The following PRX variants were observed in gnomAD, a reference collection of about 807,000 sequenced individuals.
PRX encodes the protein periaxin.
Under a neutral mutation model 29.6 loss-of-function variants are expected in PRX, and 24 were observed. The observed-to-expected ratio is 0.81, with a 90% confidence interval of 0.59 to 1.14. The LOEUF (loss-of-function observed/expected upper bound fraction) is 1.14, where lower values mean the gene tolerates loss of function less well. Ranked by LOEUF, PRX falls within the 50% of genes most tolerant of loss-of-function variation. The pLI is 0.00. For missense variants in PRX, 1,838 were observed against 1,926.4 expected (o/e 0.95, Z 0.86); for synonymous variants, 772 against 831.7 (o/e 0.93, Z 1.24).
At chr19:40,413,684 G>C (rs772326404), upstream of PRX, among the ~76,000 whole-genome samples, 2 of 152,182 alleles carry the variant, frequency 1.3e-5, no homozygotes, top group African/African-American at 4.8e-5. Flanking sequence ...TCCAGGACCC[G>C]GGCCTGGCCA....
intron 4 of PRX, among the ~76,000 whole-genome samples, chr19:40,406,540 G>A (rs1599665141): frequency 6.6e-6 from 1 of 152,052 alleles, no homozygotes; most frequent in Non-Finnish European, 1.5e-5. Flanking sequence ...CCATCCTGTG[G>A]GCAGAGAACT....
At chr19:40,412,593 AG>A in intron 1 of PRX, among the ~76,000 whole-genome samples, 1 of 152,156 alleles carries the variant, frequency 6.6e-6, no homozygotes, top group East Asian at 1.9e-4. Flanking sequence ...CTGCTACCAA[AG>A]GGGAGCTTTG....
chr19:40,398,033 G>A lies in PRX; in HGVS notation c.382-63C>T. Reference sequence around the variant, plus strand: ...GTGGGAGGCTGGGAGTGGACAGGAAGAGCCCCACCTGGTATTGGACCAGGC... The same window carrying A: ...GTGGGAGGCTGGGAGTGGACAGGAAAAGCCCCACCTGGTATTGGACCAGGC... On this transcript the variant is annotated intron_variant, in intron 6 of 6. Transcript: ENST00000324001. This position sits in a 1 kb window ranked among gnomAD's most constrained non-coding sequence, Gnocchi z 6.3. 6.4e-7 allele frequency: 1 copy of A among 1,550,406 alleles called. No individual in the cohort carries two copies. The highest frequency in any genetic ancestry group is 1.2e-5 in the South Asian group (1 of 83,228).
At position 40,394,596 on chromosome 19, in the gene PRX, G is replaced by A. The variant is rs567256423; in HGVS notation, c.3756C>T (p.Ala1252=). The A allele has an allele frequency of 5.0e-6, 8 of 1,608,412 alleles. No homozygotes were observed. The African/African-American group carries it at 8.0e-5, about 16-fold the overall frequency. The part of the protein sequence containing the change: ...GLRLKLPTLG[A]RARVGGEGAE... Reference sequence around the variant, plus strand: ...CACCCTCGCCCCCCACCCTAGCTCTGGCCCCCAGTGTGGGCAACTTCAGCC... The same window carrying A: ...CACCCTCGCCCCCCACCCTAGCTCTAGCCCCCAGTGTGGGCAACTTCAGCC... The change falls in exon 7 of 7, where the codon GCC becomes GCT. Residue 1252 remains alanine, a synonymous_variant. Coordinates refer to ENST00000324001, the MANE Select transcript of PRX (RefSeq NM_181882.3). The surrounding 1 kb of genome is among the most constrained non-coding windows in gnomAD (Gnocchi z 5.8).
rs897539531 is a variant in PRX at position 40,395,924 on chromosome 19, C to T, written c.2428G>A (p.Gly810Arg). The change falls in exon 7 of 7, where the codon GGG becomes AGG. Residue 810 changes from glycine to arginine, a missense_variant. This residue lies in a region of PRX where 1,143 missense variants were observed against 1,193.0 expected (regional missense o/e 0.96). Coordinates refer to ENST00000324001, the MANE Select transcript of PRX (RefSeq NM_181882.3). Reference protein sequence around the residue: ...KMPKMTMPKLGRAESPSRGKP... With the variant: ...KMPKMTMPKLRRAESPSRGKP... Reference sequence around the variant, plus strand: ...CCACGTGATGGGGACTCTGCCCTCCCTAGCTTGGGCATGGTCATCTTGGGC... The same window carrying T: ...CCACGTGATGGGGACTCTGCCCTCCTTAGCTTGGGCATGGTCATCTTGGGC... 6.2e-7 allele frequency: 1 copy of T among 1,614,208 alleles called. No homozygotes were observed. Among genetic ancestry groups the T allele is most frequent in the African/African-American group, 1.3e-5 (1 of 75,068 alleles).
chr19:40,397,175 T>A lies in PRX; in HGVS notation c.1177A>T (p.Met393Leu). 5 of 1,613,682 alleles carry A rather than the reference T, an allele frequency of 3.1e-6. No individual in the cohort carries two copies. The highest frequency in any genetic ancestry group is 4.2e-6 in the Non-Finnish European group (5 of 1,179,918). The change falls in exon 7 of 7, where the codon ATG (methionine) becomes TTG (leucine). Residue 393 changes from methionine to leucine, a missense_variant. Physicochemically the swap from Met to Leu is conservative, Grantham distance 15. Coordinates refer to ENST00000324001, the MANE Select transcript of PRX (RefSeq NM_181882.3). ...AAGAGGGAAAGCCCAAAGGTGGGCATTCGAAGTCTGGGACCTTTCACCCTG... is the reference window on the plus strand; with the variant it reads ...AAGAGGGAAAGCCCAAAGGTGGGCAATCGAAGTCTGGGACCTTTCACCCTG... ...EARVKGPRLR[M>L]PTFGLSLLEP...
In PRX at chr19:40,395,546, A is replaced by C. The variant is rs1476134386; in HGVS notation, c.2806T>G (p.Phe936Val). The C allele has an allele frequency of 1.9e-5, 30 of 1,613,952 alleles. No individual in the cohort carries two copies. The highest frequency in any genetic ancestry group is 2.5e-5 in the Non-Finnish European group (30 of 1,180,022). ...KPSSKFSLPKFGLSGPKVAKA... is the reference protein window; with the variant it reads ...KPSSKFSLPKVGLSGPKVAKA... The stretch of plus-strand genomic sequence containing the variant: ...GCCACCTTTGGCCCCGAGAGTCCAA[A>C]CTTAGGTAAGGAGAACTTGGAAGAG... Residue 936 changes from phenylalanine to valine, a missense_variant, in exon 7 of 7, where the codon TTT becomes GTT. Phe to Val is a conservative substitution (Grantham distance 50). Coordinates refer to ENST00000324001, the MANE Select transcript of PRX (RefSeq NM_181882.3).
Position 40,395,722 on chromosome 19 carries a change from C to A in PRX, c.2630G>T (p.Gly877Val). 1 of 1,614,104 alleles carries A rather than the reference C, an allele frequency of 6.2e-7. No homozygotes were observed. The highest frequency in any genetic ancestry group is 2.2e-5 in the East Asian group (1 of 44,866). Residue 877 changes from glycine to valine, a missense_variant, in exon 7 of 7, where the codon GGC becomes GTC. Around this residue, in one of 3 missense-constraint regions of PRX, gnomAD observed 1,143 missense variants for 1,193.0 expected, o/e 0.96. Transcript: ENST00000324001. Reference sequence around the variant, plus strand: ...AGGGCCCTCCACCCGCTCTCCCTTGCCCATTTTAGCGGCTGGGACCTGCCC... The same window carrying A: ...AGGGCCCTCCACCCGCTCTCCCTTGACCATTTTAGCGGCTGGGACCTGCCC... Reference protein sequence around the residue: ...LQGQVPAAKMGKGERVEGPEV... With the variant: ...LQGQVPAAKMVKGERVEGPEV...
At chr19:40,399,907 T>TTTCTTTCTTTC (rs1568712005) in intron 5 of PRX, among the ~76,000 whole-genome samples, 10 of 90,700 alleles carry the variant, frequency 1.1e-4, no homozygotes, top group Non-Finnish European at 1.8e-4. Flanking sequence ...TTCTTTCTTT[T>TTTCTTTCTTTC]TCTTTCTTTC....
chr19:40,394,226 C>A lies in PRX; in HGVS notation c.4126G>T (p.Val1376Phe). ...GASGRRGRVRVRLPRVGLAAP... is the reference protein window; with the variant it reads ...GASGRRGRVRFRLPRVGLAAP... Reference sequence around the variant, plus strand: ...GCCAGGCCTACACGTGGCAAGCGGACCCGGACCCGGCCCCGGCGACCCGAG... The same window carrying A: ...GCCAGGCCTACACGTGGCAAGCGGAACCGGACCCGGCCCCGGCGACCCGAG... The change falls in exon 7 of 7, where the codon GTC (valine) becomes TTC (phenylalanine). Residue 1376 changes from valine to phenylalanine, a missense_variant. Physicochemically the swap from Val to Phe is conservative, Grantham distance 50. This residue lies in a region of PRX where 1,143 missense variants were observed against 1,193.0 expected (regional missense o/e 0.96). Transcript: ENST00000324001. This position sits in a 1 kb window ranked among gnomAD's most constrained non-coding sequence, Gnocchi z 5.8. 1 of 1,602,998 alleles carries A rather than the reference C, an allele frequency of 6.2e-7. No individual in the cohort carries two copies. The highest frequency in any genetic ancestry group is 8.5e-7 in the Non-Finnish European group (1 of 1,172,312).
intron 1 of PRX, among the ~76,000 whole-genome samples, chr19:40,412,061 T>C (rs2079560848): frequency 6.6e-6 from 1 of 152,248 alleles, no homozygotes; most frequent in South Asian, 2.1e-4. Context: ...CGAGGGGTTG[T>C]CATTCGGAGG....
chr19:40,407,894 G>T lies in PRX; in HGVS notation c.27+12C>A, dbSNP rs376353333. On this transcript the variant is annotated intron_variant, in intron 4 of 6. Transcript: ENST00000324001. ...CCCTCAAGTGCGCCTTGCAGGACAC[G>T]TGGGCACTCACCTCGGCACTCCGGC... 1.7e-5 allele frequency: 27 copies of T among 1,613,230 alleles called. No homozygotes were observed. Among genetic ancestry groups the T allele is most frequent in the Non-Finnish European group, 2.3e-5 (27 of 1,180,048 alleles).
chr19:40,400,086 G>A (rs1245341273), intron 5 of PRX, among the ~76,000 whole-genome samples: 3 of 151,130 alleles, frequency 2.0e-5, no homozygotes, highest in African/African-American at 4.9e-5. Flanking sequence ...GGGTTCAAGC[G>A]ACCCTCCTGC....
intron 4 of PRX, among the ~76,000 whole-genome samples, chr19:40,407,103 G>A (rs762165289): frequency 6.6e-6 from 1 of 151,820 alleles, no homozygotes; most frequent in Non-Finnish European, 1.5e-5. Flanking sequence ...GGGAAACTGA[G>A]GCTGAAAGAG....
At position 40,397,417 on chromosome 19, in the gene PRX, A is replaced by G. The variant is rs1377863125; in HGVS notation, c.935T>C (p.Leu312Pro). Reference sequence around the variant, plus strand: ...CGACACAGCCCCTTCCCGGGTCTCTAGGCAGGGAAGTGTGGGCAGAGTGGG... The same window carrying G: ...CGACACAGCCCCTTCCCGGGTCTCTGGGCAGGGAAGTGTGGGCAGAGTGGG... The part of the protein sequence containing the change: ...SLPTLPTLPC[L>P]ETREGAVSVV... Residue 312 changes from leucine to proline, a missense_variant, in exon 7 of 7, where the codon CTA becomes CCA. Around this residue, in one of 3 missense-constraint regions of PRX, gnomAD observed 666 missense variants for 665.0 expected, o/e 1.00. Transcript: ENST00000324001. 1.2e-6 allele frequency: 2 copies of G among 1,607,940 alleles called. No homozygotes were observed. Among genetic ancestry groups the G allele is most frequent in the South Asian group, 2.2e-5 (2 of 90,368 alleles).
At chr19:40,408,079 G>C in intron 3 of PRX, 48 bp from the exon 4 acceptor site, 2 of 1,044,288 alleles carry the variant, frequency 1.9e-6, no homozygotes, top group Non-Finnish European at 2.9e-6. Context: ...GGGACGAGAG[G>C]TGGAGGCCAT....
intron 5 of PRX, among the ~76,000 whole-genome samples, chr19:40,399,903 C>CTTTCT (rs1286484666): frequency 3.3e-5 from 2 of 60,292 alleles, no homozygotes; most frequent in South Asian, 6.9e-4. Flanking sequence ...TTCTTTCTTT[C>CTTTCT]TTTTTCTTTC....
rs2079433440 is a variant in PRX at position 40,396,164 on chromosome 19, G to A, written c.2188C>T (p.Pro730Ser). ...PDMKLPEIKL[P>S]KVPEMAVPDV... Reference sequence around the variant, plus strand: ...GGCACAGCCATCTCAGGCACCTTGGGGAGTTTTATCTCTGGGAGCTTCATG... The same window carrying A: ...GGCACAGCCATCTCAGGCACCTTGGAGAGTTTTATCTCTGGGAGCTTCATG... The change falls in exon 7 of 7, where the codon CCC becomes TCC. Residue 730 changes from proline to serine, a missense_variant. This residue lies in a region of PRX where 1,143 missense variants were observed against 1,193.0 expected (regional missense o/e 0.96). Coordinates refer to ENST00000324001, the MANE Select transcript of PRX (RefSeq NM_181882.3). 1 of 1,613,358 alleles carries A rather than the reference G, an allele frequency of 6.2e-7. No homozygotes were observed. Among genetic ancestry groups the A allele is most frequent in the Admixed American group, 1.7e-5 (1 of 59,964 alleles).
In PRX at chr19:40,395,379, C is replaced by G; in HGVS notation, c.2973G>C (p.Leu991=). The G allele has an allele frequency of 6.2e-7, 1 of 1,613,838 alleles. No individual in the cohort carries two copies. Reference sequence around the variant, plus strand: ...CATCCAGGCTGAGCTGTGGGATGGACAGATCGAGGGCAGGCAGCAGGCCTG... The same window carrying G: ...CATCCAGGCTGAGCTGTGGGATGGAGAGATCGAGGGCAGGCAGCAGGCCTG... ...GEAGLLPALD[L]SIPQLSLDAH... The change falls in exon 7 of 7, where the codon CTG becomes CTC. Residue 991 remains leucine (L), a synonymous_variant. Transcript: ENST00000324001.
Sources: allele counts gnomAD v4.1 joint callset (sites outside exome capture counted in the v4.1 genomes callset), GRCh38; gene constraint gnomAD v4.1.1; regional missense constraint gnomAD v4.1.1; non-coding constraint Gnocchi (gnomAD v3.1); transcripts MANE v1.5; gene names NCBI Gene and HGNC (gene_info 2026-07-23, HGNC 2026-07-21).